MBTPS2: variants seen among roughly 807,000 people sequenced by gnomAD.
The protein encoded by MBTPS2 is membrane bound transcription factor peptidase, site 2.
Under a neutral mutation model 35.4 loss-of-function variants are expected in MBTPS2, and 2 were observed. The ratio of observed to expected loss-of-function variants is 0.06; its 90% CI spans 0.02 to 0.18. MBTPS2 has a LOEUF of 0.18. Among genes scored for constraint, MBTPS2 ranks in the 10% least tolerant of loss-of-function variants. MBTPS2 has a pLI of 1.00. For synonymous variants in MBTPS2, 125 were observed against 140.4 expected (o/e 0.89, Z 0.77); for missense variants, 244 against 386.5 (o/e 0.63, Z 3.09).
chrX:21,849,788 A>C (rs1340751073), intron 3 of MBTPS2, among the ~76,000 whole-genome samples: 1 of 104,445 alleles, frequency 9.6e-6, no homozygotes, highest in Non-Finnish European at 2.0e-5. Flanking sequence ...GCACTTTGGG[A>C]GGCGGAGGAA....
chrX:21,875,295 T>G (rs756015375), intron 7 of MBTPS2, among the ~76,000 whole-genome samples: 96 of 112,120 alleles, frequency 8.6e-4, no homozygotes, highest in Non-Finnish European at 1.3e-3. Flanking sequence ...AGGTTCAGAT[T>G]TCTGGTTTCT....
In MBTPS2 at chrX:21,885,092, A is replaced by T; in HGVS notation, c.*2437A>T. 1 of 745,673 alleles carries T rather than the reference A, an allele frequency of 1.3e-6. No individual in the cohort carries two copies. Among genetic ancestry groups the T allele is most frequent in the Non-Finnish European group, 1.6e-6 (1 of 631,389 alleles). 61.5% of individuals were successfully genotyped at this position (745,673 alleles called of 1,213,427 possible). On this transcript the variant is annotated 3_prime_UTR_variant, in exon 11 of 11. Coordinates refer to ENST00000379484, the MANE Select transcript of MBTPS2 (RefSeq NM_015884.4). Reference sequence around the variant, plus strand: ...TGACAGTTTTTTTTAATCACCTACAATCTGTAAAGAATGTATATATTCTTT... The same window carrying T: ...TGACAGTTTTTTTTAATCACCTACATTCTGTAAAGAATGTATATATTCTTT...
intron 3 of MBTPS2, among the ~76,000 whole-genome samples, chrX:21,849,450 T>A (rs1329544180): frequency 9.0e-6 from 1 of 111,602 alleles, no homozygotes; most frequent in African/African-American, 3.3e-5. Context: ...GTAAATCACA[T>A]TGCAGATTTG....
At position 21,884,495 on chromosome X, in the gene MBTPS2, A is replaced by G; in HGVS notation, c.*1840A>G. ...TCTTATTCATTAATTTATTTTTCTG[A>G]GTAAAAAAACGAAACCCAAATCTCA... is the stretch of plus-strand genomic sequence containing the variant. On this transcript the variant is annotated 3_prime_UTR_variant, in exon 11 of 11. Transcript: ENST00000379484. 6 of 748,943 alleles carry G rather than the reference A, an allele frequency of 8.0e-6. No individual in the cohort carries two copies. Among genetic ancestry groups the G allele is most frequent in the Non-Finnish European group, 9.5e-6 (6 of 634,105 alleles). 61.7% of individuals were successfully genotyped at this position (748,943 alleles called of 1,213,427 possible). A position where few individuals can be genotyped will look rare whatever the true frequency, so the allele number is the denominator to read the frequency against.
intron 5 of MBTPS2, among the ~76,000 whole-genome samples, chrX:21,855,490 G>A (rs188488040): frequency 6.9e-4 from 76 of 109,871 alleles, no homozygotes; most frequent in African/African-American, 1.7e-3. Flanking sequence ...GTAGTGCAGC[G>A]GCATGATCTA....
chrX:21,873,116 C>T (rs2092949070), intron 7 of MBTPS2: 1 of 111,796 alleles, frequency 8.9e-6, no homozygotes, highest in South Asian at 3.8e-4. Context: ...AAACCATCTC[C>T]ACCAATTATC....
chrX:21,865,761 T>C (rs2147445695), intron 5 of MBTPS2, among the ~76,000 whole-genome samples: 1 of 112,468 alleles, frequency 8.9e-6, no homozygotes, highest in Non-Finnish European at 1.9e-5. Context: ...TGTAAATCAT[T>C]TCTGTGTGTT....
chrX:21,879,949 C>CTTTTTT (rs60769329), intron 9 of MBTPS2, among the ~76,000 whole-genome samples: 9 of 47,382 alleles, frequency 1.9e-4, no homozygotes, highest in African/African-American at 4.0e-4. Context: ...TTATGTTATT[C>CTTTTTT]TTTTTTTTTT....
chrX:21,857,726 T>C, intron 5 of MBTPS2: 1 of 816,384 alleles, frequency 1.2e-6, no homozygotes, highest in Non-Finnish European at 1.7e-6. Flanking sequence ...ATCCTGCACA[T>C]TTAAGGTTCG....
At chrX:21,847,679 C>T (rs1240476972) in intron 3 of MBTPS2, among the ~76,000 whole-genome samples, 1 of 112,015 alleles carries the variant, frequency 8.9e-6, no homozygotes. Flanking sequence ...ACCAAGCTTA[C>T]TGATTTATTT....
At chrX:21,868,406 C>T (rs1252502712) in intron 5 of MBTPS2, 61 bp from the exon 6 acceptor site, 1 of 718,313 alleles carries the variant, frequency 1.4e-6, no homozygotes, top group African/African-American at 2.1e-5. Flanking sequence ...TTGTGAGGTC[C>T]AGCTACTTAT....
Position 21,883,152 on chromosome X carries a change from T to G in MBTPS2, c.*497T>G. 1.3e-6 allele frequency: 1 copy of G among 761,596 alleles called. No homozygotes were observed. 62.8% of individuals were successfully genotyped at this position (761,596 alleles called of 1,213,427 possible). ...TATTTTAAAACTTAATGGTGTATTA[T>G]TTTGTGCTCTGAAAGCTGAGGTCTG... On this transcript the variant is annotated 3_prime_UTR_variant, in exon 11 of 11. Coordinates refer to ENST00000379484, the MANE Select transcript of MBTPS2 (RefSeq NM_015884.4).
At chrX:21,874,974 T>C (rs1317242653) in intron 7 of MBTPS2, among the ~76,000 whole-genome samples, 1 of 112,748 alleles carries the variant, frequency 8.9e-6, no homozygotes, top group East Asian at 2.8e-4. Flanking sequence ...AATTAACTGT[T>C]TAAGCCTATA....
In MBTPS2 at chrX:21,839,661, G is replaced by C; in HGVS notation, c.-74G>C. 9.5e-7 allele frequency: 1 copy of C among 1,056,055 alleles called. No homozygotes were observed. The highest frequency in any genetic ancestry group is 2.0e-5 in the South Asian group (1 of 50,392). 87.0% of individuals were successfully genotyped at this position (1,056,055 alleles called of 1,213,427 possible). A position where few individuals can be genotyped will look rare whatever the true frequency, so the allele number is the denominator to read the frequency against. ...AGCGGATGCTGGGGCTGTAAGGCGCGCGCGGTCAGCTGTTGGCGGTGCAGG... is the reference window on the plus strand; with the variant it reads ...AGCGGATGCTGGGGCTGTAAGGCGCCCGCGGTCAGCTGTTGGCGGTGCAGG... On this transcript the variant is annotated 5_prime_UTR_variant, in exon 1 of 11. Transcript: ENST00000379484.
In MBTPS2 at chrX:21,883,746, T is replaced by C. The variant is rs1028618316; in HGVS notation, c.*1091T>C. On this transcript the variant is annotated 3_prime_UTR_variant, in exon 11 of 11. Coordinates refer to ENST00000379484, the MANE Select transcript of MBTPS2 (RefSeq NM_015884.4). Reference sequence around the variant, plus strand: ...CTACCTCTCTGGGTCCACAGAAGACTTGGTAGTATAGTGAGAATGGCTATA... The same window carrying C: ...CTACCTCTCTGGGTCCACAGAAGACCTGGTAGTATAGTGAGAATGGCTATA... The C allele has an allele frequency of 1.5e-5, 11 of 751,660 alleles. No individual in the cohort carries two copies. In the African/African-American group the frequency reaches 2.6e-4, roughly 17 times the overall value. The allele number at this position is 751,660 out of a possible 1,213,427, so 61.9% of individuals were successfully genotyped here. A position where few individuals can be genotyped will look rare whatever the true frequency, so the allele number is the denominator to read the frequency against.
intron 7 of MBTPS2, among the ~76,000 whole-genome samples, chrX:21,874,920 TTGAG>T (rs2092951428): frequency 8.9e-6 from 1 of 112,865 alleles, no homozygotes; most frequent in Admixed American, 9.4e-5. Context: ...CAGAAATTGG[TTGAG>T]TAACTTGTTC....
chrX:21,872,729 C>CT (rs1280655649), intron 7 of MBTPS2: 1 of 108,675 alleles, frequency 9.2e-6, no homozygotes, highest in East Asian at 2.9e-4. Flanking sequence ...TGCAGTTGTG[C>CT]TTACAATTAA....
Position 21,843,193 on chromosome X carries a change from T to G in MBTPS2, c.99T>G (p.Ser33=). 4.1e-6 allele frequency: 5 copies of G among 1,210,698 alleles called. No homozygotes were observed. Among genetic ancestry groups the G allele is most frequent in the Non-Finnish European group, 5.6e-6 (5 of 894,282 alleles). Reference sequence around the variant, plus strand: ...AGTCATCTGTCTATTTTAAACATTCTTATGAAGACTGGCTGGAAAACAACG... The same window carrying G: ...AGTCATCTGTCTATTTTAAACATTCGTATGAAGACTGGCTGGAAAACAACG... The part of the protein sequence containing the change: ...VLKSSVYFKH[S]YEDWLENNGL... The change falls in exon 2 of 11, where the codon TCT becomes TCG. Residue 33 remains serine, a synonymous_variant. Transcript: ENST00000379484.
chrX:21,845,333 T>G lies in MBTPS2; in HGVS notation c.387T>G (p.Ser129=). 1 of 1,199,448 alleles carries G rather than the reference T, an allele frequency of 8.3e-7. No homozygotes were observed. The highest frequency in any genetic ancestry group is 1.7e-5 in the African/African-American group (1 of 57,566). The change falls in exon 3 of 11, where the codon TCT becomes TCG. Residue 129 remains serine (S), a synonymous_variant. Transcript: ENST00000379484. ...SSSSSSSSSS[S]SSSSSSSLHN... ...CCTCCTCTTCTTCCTCTTCCTCTTC[T>G]TCATCTTCTTCCTCTTCCTCGCTTC...
Sources: gnomAD v4.1 joint callset for allele counts (sites outside exome capture counted in the v4.1 genomes callset) on GRCh38, gnomAD v4.1.1 for gene constraint, MANE v1.5 for transcripts, NCBI Gene and HGNC (gene_info 2026-07-23, HGNC 2026-07-21) for gene names.